CSMD3: variants seen among roughly 807,000 people sequenced by gnomAD.
The protein encoded by CSMD3 is CUB and Sushi multiple domains 3, also known as CUB and sushi domain-containing protein 3.
CSMD3 carries 177 observed loss-of-function variants against 435.2 expected under a neutral mutation model. The ratio of observed to expected loss-of-function variants is 0.41; its 90% CI spans 0.36 to 0.46. The LOEUF (loss-of-function observed/expected upper bound fraction) is 0.46, where lower values mean the gene tolerates loss of function less well. CSMD3 is among the 20% of genes least tolerant of loss of function. The probability of loss-of-function intolerance (pLI) is 0.34; values close to 1 mark genes in which losing one functional copy is unlikely to be tolerated. For missense variants in CSMD3, 4,265 were observed against 4,504.6 expected, an observed-to-expected ratio of 0.95 and a Z score of 1.52; for synonymous variants, 1,656 against 1,520.5, an observed-to-expected ratio of 1.09 and a Z score of -2.07.
chr8:112,281,329 C>A lies in CSMD3; in HGVS notation c.9353G>T (p.Gly3118Val), dbSNP rs750818937. 6.2e-7 allele frequency: 1 copy of A among 1,612,924 alleles called. No individual in the cohort carries two copies. Among genetic ancestry groups the A allele is most frequent in the African/African-American group, 1.3e-5 (1 of 74,970 alleles). Residue 3118 changes from glycine to valine, a missense_variant, in exon 59 of 71, where the codon GGA becomes GTA. By Grantham distance (109) the Gly-to-Val change is moderately radical. Around this residue, in one of 3 missense-constraint regions of CSMD3, gnomAD observed 3,255 missense variants for 3,380.2 expected, o/e 0.96. Transcript: ENST00000297405. The stretch of plus-strand genomic sequence containing the variant: ...GAAGACTTTCCCATTGGCTGTGGTT[C>A]CTGGGTTACCACACTGCACAGCTAT... Reference protein sequence around the residue: ...ECKAVQCGNPGTTANGKVFRI... With the variant: ...ECKAVQCGNPVTTANGKVFRI...
At chr8:112,735,408 TAAA>T (rs143868793) in intron 13 of CSMD3, among the ~76,000 whole-genome samples, 1,695 of 152,152 alleles carry the variant, frequency 0.011, 35 homozygotes, top group African/African-American at 0.039. Flanking sequence ...TTACTAATGA[TAAA>T]AAATATTTTA....
intron 29 of CSMD3, among the ~76,000 whole-genome samples, chr8:112,504,416 C>T (rs1234932526): frequency 1.3e-5 from 2 of 152,032 alleles, no homozygotes; most frequent in Non-Finnish European, 2.9e-5. Flanking sequence ...CATGAAAACA[C>T]AAACTACTTT....
intron 32 of CSMD3, among the ~76,000 whole-genome samples, chr8:112,459,358 T>TGG (rs35526867): frequency 9.8e-5 from 11 of 112,712 alleles, no homozygotes; most frequent in African/African-American, 9.6e-5. Flanking sequence ...TGTGTGTGTG[T>TGG]GGGGGGGGGG....
Position 112,573,548 on chromosome 8 carries a change from T to G in CSMD3, c.3995A>C (p.Asn1332Thr). 6.2e-7 allele frequency: 1 copy of G among 1,613,574 alleles called. No homozygotes were observed. Among genetic ancestry groups the G allele is most frequent in the Non-Finnish European group, 8.5e-7 (1 of 1,179,614 alleles). ...TTCATCTGTCCCTTCAGTATCGGAA[T>G]TAAATTCTAGCCAGAGTTGATTTGA... ...STSNQLWLEF[N>T]SDTEGTDEGF... is the part of the protein sequence containing the mutation. Residue 1332 changes from asparagine to threonine, a missense_variant, in exon 24 of 71, where the codon AAT (asparagine) becomes ACT (threonine). Around this residue, in one of 3 missense-constraint regions of CSMD3, gnomAD observed 3,255 missense variants for 3,380.2 expected, o/e 0.96. Coordinates refer to ENST00000297405, the MANE Select transcript of CSMD3 (RefSeq NM_198123.2).
intron 45 of CSMD3, among the ~76,000 whole-genome samples, chr8:112,332,731 T>G (rs868057544): frequency 5.3e-5 from 8 of 152,176 alleles, no homozygotes; most frequent in South Asian, 4.1e-4. Flanking sequence ...TTTTTGCACC[T>G]TATTATAAAA....
intron 6 of CSMD3, among the ~76,000 whole-genome samples, chr8:112,992,251 C>G (rs1262085178): frequency 1.3e-5 from 2 of 151,538 alleles, no homozygotes; most frequent in African/African-American, 2.4e-5. Flanking sequence ...TCGTCCCTCC[C>G]TCTATCTTTT....
intron 13 of CSMD3, among the ~76,000 whole-genome samples, chr8:112,744,980 T>C (rs2077395119): frequency 6.6e-6 from 1 of 152,080 alleles, no homozygotes; most frequent in Non-Finnish European, 1.5e-5. Flanking sequence ...GATTTACAAA[T>C]ATAACTCTGA....
intron 32 of CSMD3, among the ~76,000 whole-genome samples, chr8:112,453,203 T>C (rs918151739): frequency 4.6e-5 from 7 of 152,000 alleles, no homozygotes; most frequent in African/African-American, 1.5e-4. Context: ...ATACAATCCA[T>C]AGGTCAAAAG....
Position 112,898,406 on chromosome 8 carries a change from C to T in CSMD3, c.1633+23221G>A, listed in dbSNP as rs935776705. On this transcript the variant is annotated intron_variant, in intron 10 of 70. Coordinates refer to ENST00000297405, the MANE Select transcript of CSMD3 (RefSeq NM_198123.2). ...TTCATTTGTATTCACGGTTCTCAAGCCCAATTTTTATGTTACTTGGGCATA... is the reference window on the plus strand; with the variant it reads ...TTCATTTGTATTCACGGTTCTCAAGTCCAATTTTTATGTTACTTGGGCATA... Among the ~76,000 whole-genome samples the T allele has an allele frequency of 4.0e-5, 6 of 151,246 alleles. No individual in the cohort carries two copies. In the South Asian group the frequency reaches 1.2e-3, roughly 31 times the overall value.
intron 4 of CSMD3, among the ~76,000 whole-genome samples, chr8:113,108,625 C>G (rs752303645): frequency 5.3e-5 from 8 of 151,986 alleles, no homozygotes; most frequent in Non-Finnish European, 8.8e-5. Context: ...AAATACCAAA[C>G]TTAATGAGTG....
intron 13 of CSMD3, among the ~76,000 whole-genome samples, chr8:112,726,412 T>C (rs1314147816): frequency 6.6e-6 from 1 of 151,922 alleles, no homozygotes. Flanking sequence ...GCATTCTAAG[T>C]ACTTAGCCAA....
intron 5 of CSMD3, among the ~76,000 whole-genome samples, chr8:113,089,568 A>C (rs1460126810): frequency 6.6e-6 from 1 of 152,192 alleles, no homozygotes; most frequent in African/African-American, 2.4e-5. Context: ...ATTGCAAGAG[A>C]GATAATAAAG....
chr8:113,213,511 GT>G (rs148914391), intron 3 of CSMD3, among the ~76,000 whole-genome samples: 14 of 146,780 alleles, frequency 9.5e-5, no homozygotes, highest in Admixed American at 2.0e-4. Flanking sequence ...TCTTTTGTGT[GT>G]TTTTTTTTTA....
At chr8:112,536,424 C>G (rs1315835531) in intron 27 of CSMD3, among the ~76,000 whole-genome samples, 1 of 152,196 alleles carries the variant, frequency 6.6e-6, no homozygotes, top group African/African-American at 2.4e-5. Context: ...TGAAAAAATG[C>G]TCACCATCAC....
At chr8:112,741,304 A>G (rs567618130) in intron 13 of CSMD3, among the ~76,000 whole-genome samples, 1 of 151,972 alleles carries the variant, frequency 6.6e-6, no homozygotes. Context: ...ACTTAACTAG[A>G]CATTTCTCCA....
chr8:112,326,301 A>T (rs1823507240), intron 45 of CSMD3, among the ~76,000 whole-genome samples: 1 of 152,180 alleles, frequency 6.6e-6, no homozygotes, highest in Admixed American at 6.6e-5. Context: ...ATCATAAAAA[A>T]ATACATAATC....
At position 112,649,838 on chromosome 8, in the gene CSMD3, TCTC is replaced by T. The variant is rs370338990; in HGVS notation, c.3193+320_3193+322del. 9.2e-5 allele frequency among the ~76,000 whole-genome samples: 14 copies of T among 152,272 alleles called. 1 individual carries two copies. Among genetic ancestry groups the T allele is most frequent in the African/African-American group, 3.1e-4 (13 of 41,558 alleles). ...TGCTGCATTTTTTTCAGGACTTTCTTCTCATACAAATTTGGCATTTTCAAGGCT... is the reference window on the plus strand; with the variant it reads ...TGCTGCATTTTTTTCAGGACTTTCTTATACAAATTTGGCATTTTCAAGGCT... On this transcript the variant is annotated intron_variant, in intron 19 of 70. Transcript: ENST00000297405.
At chr8:112,693,891 A>AATTCCATTATACATGGAATATAATTC (rs2076193751) in intron 13 of CSMD3, among the ~76,000 whole-genome samples, 1 of 151,644 alleles carries the variant, frequency 6.6e-6, no homozygotes, top group Non-Finnish European at 1.5e-5. Context: ...TGTATATAAT[A>AATTCCATTATACATGGAATATAATTC]CACATATACA....
intron 32 of CSMD3, among the ~76,000 whole-genome samples, chr8:112,426,310 A>C (rs982114497): frequency 2.0e-5 from 3 of 152,082 alleles, no homozygotes; most frequent in African/African-American, 7.2e-5. Context: ...TTGATTGTGA[A>C]CCTTCTATAT....
Sources: gnomAD v4.1 joint callset for allele counts (sites outside exome capture counted in the v4.1 genomes callset) on GRCh38, gnomAD v4.1.1 for gene constraint, gnomAD v4.1.1 regional missense constraint, MANE v1.5 for transcripts, NCBI Gene and HGNC (gene_info 2026-07-23, HGNC 2026-07-21) for gene names.